HMBOX1: variants seen among roughly 807,000 people sequenced by gnomAD.
HMBOX1 encodes the protein homeobox-containing protein 1.
HMBOX1 carries 14 observed loss-of-function variants against 54.5 expected under a neutral mutation model. The ratio of observed to expected loss-of-function variants is 0.26; its 90% CI spans 0.17 to 0.40. The LOEUF (loss-of-function observed/expected upper bound fraction) is 0.40, where lower values mean the gene tolerates loss of function less well. HMBOX1 is among the 10% of genes least tolerant of loss of function. The probability of loss-of-function intolerance (pLI) is 1.00; values close to 1 mark genes in which losing one functional copy is unlikely to be tolerated. For synonymous variants in HMBOX1, 160 were observed against 181.0 expected (o/e 0.88, Z 0.93); for missense variants, 332 against 514.4 (o/e 0.65, Z 3.43).
intron 2 of HMBOX1, 87 bp downstream of exon 2, chr8:28,963,977 A>C (rs757873250): frequency 7.5e-6 from 8 of 1,068,972 alleles, no homozygotes; most frequent in Non-Finnish European, 7.1e-6. Flanking sequence ...CAGATTTGAC[A>C]ACAGACGTTT....
chr8:28,924,566 G>A (rs911443410), intron 1 of HMBOX1: 1 of 145,334 alleles, frequency 6.9e-6, no homozygotes, highest in Non-Finnish European at 1.5e-5. Flanking sequence ...TTTATAATTT[G>A]AATTCTTATG....
rs78643983 is a variant in HMBOX1, at chr8:28,919,287, T to C, written c.-58+28609T>C. Among the ~76,000 whole-genome samples the C allele has an allele frequency of 3.1e-3, 473 of 152,300 alleles. 1 individual carries two copies. The highest frequency in any genetic ancestry group is 0.011 in the African/African-American group (437 of 41,576). On this transcript the variant is annotated intron_variant, in intron 1 of 9. Transcript: ENST00000287701. Reference sequence around the variant, plus strand: ...ATCTGCAGATTTAACCAACCATGGATGGAAAACACTGTATTTATTTCAGTA... The same window carrying C: ...ATCTGCAGATTTAACCAACCATGGACGGAAAACACTGTATTTATTTCAGTA...
chr8:28,918,372 T>G (rs1816940419), intron 1 of HMBOX1, among the ~76,000 whole-genome samples: 1 of 151,972 alleles, frequency 6.6e-6, no homozygotes. Context: ...CCTGGCTAAT[T>G]TTTTGTATTT....
chr8:28,913,324 G>A (rs1289669877), intron 1 of HMBOX1, among the ~76,000 whole-genome samples: 1 of 151,874 alleles, frequency 6.6e-6, no homozygotes, highest in Non-Finnish European at 1.5e-5. Flanking sequence ...TTTTCTTTTT[G>A]CATTTGATGT....
chr8:29,052,152 T>G lies in HMBOX1; in HGVS notation c.*997T>G, dbSNP rs1017264283. ...CAAAAATGAGTGAAAAAACTTGCAG[T>G]GTTTGTATCCATTAAACGGAAGCCC... On this transcript the variant is annotated 3_prime_UTR_variant, in exon 10 of 10. Transcript: ENST00000287701. 1 of 153,656 alleles carries G rather than the reference T, an allele frequency of 6.5e-6. No homozygotes were observed. The highest frequency in any genetic ancestry group is 1.4e-5 in the Non-Finnish European group (1 of 68,994). 9.5% of individuals were successfully genotyped at this position (153,656 alleles called of 1,614,324 possible). A position where few individuals can be genotyped will look rare whatever the true frequency, so the allele number is the denominator to read the frequency against.
At chr8:29,006,447 T>C (rs1270838081) in intron 4 of HMBOX1, among the ~76,000 whole-genome samples, 1 of 152,178 alleles carries the variant, frequency 6.6e-6, no homozygotes, top group Non-Finnish European at 1.5e-5. Flanking sequence ...TGCTAGGTCA[T>C]AGAGTATATG....
chr8:29,037,321 G>T (rs1473639582), intron 6 of HMBOX1, among the ~76,000 whole-genome samples: 1 of 152,130 alleles, frequency 6.6e-6, no homozygotes, highest in African/African-American at 2.4e-5. Flanking sequence ...CTAAAAGTTA[G>T]CATTAAGATA....
chr8:28,930,841 C>T (rs959993319), intron 1 of HMBOX1, among the ~76,000 whole-genome samples: 1 of 152,078 alleles, frequency 6.6e-6, no homozygotes, highest in African/African-American at 2.4e-5. Context: ...CCTGTGCATC[C>T]TTAAATTATT....
At position 29,051,249 on chromosome 8, in the gene HMBOX1, T is replaced by C; in HGVS notation, c.*94T>C. 7.3e-7 allele frequency: 1 copy of C among 1,373,380 alleles called. No individual in the cohort carries two copies. Among genetic ancestry groups the C allele is most frequent in the South Asian group, 1.3e-5 (1 of 75,222 alleles). 85.1% of individuals were successfully genotyped at this position (1,373,380 alleles called of 1,614,324 possible). On this transcript the variant is annotated 3_prime_UTR_variant, in exon 10 of 10. Transcript: ENST00000287701. ...TTAACATGTGTTCTTACAGTATAAC[T>C]TGCAGTTTCTTGTATGTCAGGTAGC...
chr8:29,020,033 T>A (rs1338835714), intron 6 of HMBOX1, among the ~76,000 whole-genome samples: 1 of 152,206 alleles, frequency 6.6e-6, no homozygotes, highest in Non-Finnish European at 1.5e-5. Context: ...CAGAAGCCAT[T>A]TATTGAATAA....
intron 5 of HMBOX1, among the ~76,000 whole-genome samples, chr8:29,012,347 A>G (rs541585262): frequency 1.4e-4 from 21 of 152,306 alleles, no homozygotes; most frequent in African/African-American, 5.1e-4. Flanking sequence ...CCTGATTGGA[A>G]TCCACCCAGA....
chr8:28,986,058 A>AACTTCTCTG (rs1302753789), intron 4 of HMBOX1, among the ~76,000 whole-genome samples: 1 of 152,122 alleles, frequency 6.6e-6, no homozygotes, highest in Non-Finnish European at 1.5e-5. Flanking sequence ...ACTGCCCAAA[A>AACTTCTCTG]ACTTCTCTGT....
In HMBOX1 at chr8:29,009,152, C is replaced by T; in HGVS notation, c.667C>T (p.Arg223Ter). Reference sequence around the variant, plus strand: ...TGAACAGAAGAAAAGAGCATTTTACCGATGGTATCAACTTGAGAAGACAAA... The same window carrying T: ...TGAACAGAAGAAAAGAGCATTTTACTGATGGTATCAACTTGAGAAGACAAA... ...LSEQKKRAFY[R>*]WYQLEKTNPG... Residue 223 changes from arginine (R) to a stop codon, truncating the protein, a stop_gained, in exon 5 of 10, where the codon CGA becomes TGA. Coordinates refer to ENST00000287701, the MANE Select transcript of HMBOX1 (RefSeq NM_001135726.3). LOFTEE classifies it high-confidence loss of function. 6.2e-7 allele frequency: 1 copy of T among 1,613,138 alleles called. No homozygotes were observed. The highest frequency in any genetic ancestry group is 8.5e-7 in the Non-Finnish European group (1 of 1,179,234).
intron 1 of HMBOX1, among the ~76,000 whole-genome samples, chr8:28,952,712 A>G (rs987083095): frequency 5.3e-5 from 8 of 152,216 alleles, no homozygotes; most frequent in Non-Finnish European, 7.3e-5. Context: ...AAACTCTCCA[A>G]TAAGCTTTCT....
In HMBOX1 at chr8:29,052,533, A is replaced by T. The variant is rs1273440903; in HGVS notation, c.*1378A>T. 1.3e-5 allele frequency: 2 copies of T among 152,026 alleles called. No homozygotes were observed. The highest frequency in any genetic ancestry group is 2.9e-5 in the Non-Finnish European group (2 of 68,016). 9.4% of individuals were successfully genotyped at this position (152,026 alleles called of 1,614,324 possible). A position where few individuals can be genotyped will look rare whatever the true frequency, so the allele number is the denominator to read the frequency against. On this transcript the variant is annotated 3_prime_UTR_variant, in exon 10 of 10. Coordinates refer to ENST00000287701, the MANE Select transcript of HMBOX1 (RefSeq NM_001135726.3). ...TTTTTAAAGATATTTATATTTGATA[A>T]ATCTTTTTTTCATTTTGAGAACTCA...
chr8:28,936,489 G>T (rs558152684), intron 1 of HMBOX1, among the ~76,000 whole-genome samples: 2 of 151,802 alleles, frequency 1.3e-5, no homozygotes, highest in African/African-American at 4.8e-5. Context: ...AATTTCCTCC[G>T]TGTACTTTTT....
chr8:28,950,032 T>C (rs1253479760), intron 1 of HMBOX1: 1 of 152,214 alleles, frequency 6.6e-6, no homozygotes. Context: ...GAAGTAGGCA[T>C]ATCCTAAGTG....
chr8:29,048,960 C>A lies in HMBOX1; in HGVS notation c.1037C>A (p.Ala346Glu). The A allele has an allele frequency of 6.3e-7, 1 of 1,597,914 alleles. No individual in the cohort carries two copies. The highest frequency in any genetic ancestry group is 8.5e-7 in the Non-Finnish European group (1 of 1,169,976). ...EIKRRANIEA[A>E]ILESHGIDVQ... is the part of the protein sequence containing the mutation. ...CTATTTGCTTTTTTCGAAGAAGCAG[C>A]AATCCTGGAGAGTCATGGGATAGAT... Residue 346 changes from alanine (A) to glutamate (E), a missense_variant, in exon 9 of 10, where the codon GCA (alanine) becomes GAA (glutamate). Physicochemically the swap from Ala to Glu is moderately radical, Grantham distance 107. Around this residue, in one of 4 missense-constraint regions of HMBOX1, gnomAD observed 69 missense variants for 104.6 expected, o/e 0.66. Coordinates refer to ENST00000287701, the MANE Select transcript of HMBOX1 (RefSeq NM_001135726.3).
At chr8:28,931,968 A>T (rs1819547529) in intron 1 of HMBOX1, among the ~76,000 whole-genome samples, 1 of 152,222 alleles carries the variant, frequency 6.6e-6, no homozygotes, top group Non-Finnish European at 1.5e-5. Context: ...TAAGGTTGGG[A>T]GGACATATAT....
Sources: allele counts gnomAD v4.1 joint callset (sites outside exome capture counted in the v4.1 genomes callset), GRCh38; gene constraint gnomAD v4.1.1; regional missense constraint gnomAD v4.1.1; transcripts MANE v1.5; gene names NCBI Gene and HGNC (gene_info 2026-07-23, HGNC 2026-07-21).